ATL1: variants seen among roughly 807,000 people sequenced by gnomAD.
The protein encoded by ATL1 is atlastin GTPase 1, also known as atlastin-1.
In ATL1, 31 loss-of-function variants were observed where a neutral mutation model predicts 75.5. That is an observed-to-expected ratio of 0.41 (90% CI 0.31 to 0.55). The LOEUF (loss-of-function observed/expected upper bound fraction) is 0.55. Ranked by LOEUF, ATL1 falls within the 20% of genes least tolerant of loss-of-function variation. ATL1 has a pLI of 0.27. For synonymous variants in ATL1, 226 were observed against 233.3 expected (o/e 0.97, Z 0.28); for missense variants, 405 against 662.6 (o/e 0.61, Z 4.27).
At chr14:50,614,209 G>A (rs1416834031) in intron 7 of ATL1, among the ~76,000 whole-genome samples, 164 bp from the exon 8 acceptor site, 1 of 152,178 alleles carries the variant, frequency 6.6e-6, no homozygotes, top group Non-Finnish European at 1.5e-5. Context: ...ACGGCTCTGT[G>A]TGGGCAAACC....
upstream of ATL1, among the ~76,000 whole-genome samples, chr14:50,555,526 T>C (rs946309297): frequency 6.6e-6 from 1 of 152,164 alleles, no homozygotes; most frequent in Admixed American, 6.5e-5. Context: ...TCAGGCAATC[T>C]GCCCGCCTTG....
upstream of ATL1, among the ~76,000 whole-genome samples, chr14:50,556,848 A>C (rs1345676488): frequency 1.3e-5 from 2 of 152,216 alleles, no homozygotes; most frequent in Admixed American, 1.3e-4. Flanking sequence ...TGATCAAATA[A>C]TGTTCTATTA....
intron 1 of ATL1, among the ~76,000 whole-genome samples, chr14:50,567,668 T>C (rs1434526439): frequency 2.0e-5 from 3 of 152,254 alleles, no homozygotes; most frequent in Non-Finnish European, 4.4e-5. Context: ...TTCTAATGGA[T>C]GTGATGTGAT....
rs778692077 is a variant in ATL1 at position 50,632,302 on chromosome 14, C to T, written c.1640C>T (p.Ser547Leu). 9.9e-6 allele frequency: 16 copies of T among 1,613,098 alleles called. No individual in the cohort carries two copies. The highest frequency in any genetic ancestry group is 2.2e-5 in the South Asian group (2 of 91,014). Residue 547 changes from serine to leucine, a missense_variant, in exon 14 of 14, where the codon TCG becomes TTG. By Grantham distance (145) the Ser-to-Leu change is moderately radical. Coordinates refer to ENST00000358385, the MANE Select transcript of ATL1 (RefSeq NM_015915.5). ...LYHQAFPTPKSESTEQSEKKK... is the reference protein window; with the variant it reads ...LYHQAFPTPKLESTEQSEKKK... ...CATCAAGCTTTCCCTACACCAAAGT[C>T]GGAATCTACTGAACAATCAGAAAAG... is the stretch of plus-strand genomic sequence containing the variant.
intron 5 of ATL1, among the ~76,000 whole-genome samples, chr14:50,594,447 T>C (rs1354815173): frequency 2.0e-5 from 3 of 152,112 alleles, no homozygotes; most frequent in South Asian, 4.1e-4. Flanking sequence ...AAATTTAATA[T>C]ATTTTTTAGA....
At chr14:50,617,359 A>T (rs1192866260) in intron 8 of ATL1, among the ~76,000 whole-genome samples, 1 of 152,224 alleles carries the variant, frequency 6.6e-6, no homozygotes, top group Non-Finnish European at 1.5e-5. Context: ...TTTTTAAATA[A>T]CAAGGAGTTA....
At chr14:50,585,548 C>G (rs1477689118) in intron 1 of ATL1, among the ~76,000 whole-genome samples, 2 of 152,108 alleles carry the variant, frequency 1.3e-5, no homozygotes, top group Admixed American at 6.5e-5. Flanking sequence ...GGACTGTAAT[C>G]AGACATGAAT....
In ATL1 at chr14:50,614,405, C is replaced by T. The variant is rs771031586; in HGVS notation, c.756C>T (p.Asn252=). 2.5e-5 allele frequency: 40 copies of T among 1,613,914 alleles called. No individual in the cohort carries two copies. The highest frequency in any genetic ancestry group is 3.1e-5 in the Non-Finnish European group (37 of 1,179,950). The stretch of plus-strand genomic sequence containing the variant: ...GGAACCAGCATGAAGAACTACAGAA[C>T]GTCAGAAAACACATCCATTCCTGTT... ...VSGNQHEELQ[N]VRKHIHSCFT... The change falls in exon 8 of 14, where the codon AAC becomes AAT. Residue 252 remains asparagine (N), a synonymous_variant. Transcript: ENST00000358385.
At chr14:50,625,913 A>AAG (rs1304273280) in intron 11 of ATL1, among the ~76,000 whole-genome samples, 1 of 150,802 alleles carries the variant, frequency 6.6e-6, no homozygotes, top group East Asian at 1.9e-4. Context: ...AAAAAAAAAA[A>AAG]GAAAAAAAAA....
chr14:50,610,218 C>G (rs2039352496), intron 6 of ATL1, among the ~76,000 whole-genome samples: 1 of 151,916 alleles, frequency 6.6e-6, no homozygotes, highest in South Asian at 2.1e-4. Context: ...TACTATTTCC[C>G]TAGGGAAAAC....
chr14:50,570,466 C>A (rs1267058916), intron 1 of ATL1, among the ~76,000 whole-genome samples: 1 of 152,108 alleles, frequency 6.6e-6, no homozygotes, highest in Non-Finnish European at 1.5e-5. Flanking sequence ...GCCTCAAAAT[C>A]CTGGCCACAA....
At chr14:50,606,632 G>A (rs1006844264) in intron 6 of ATL1, among the ~76,000 whole-genome samples, 3 of 152,032 alleles carry the variant, frequency 2.0e-5, no homozygotes, top group African/African-American at 7.2e-5. Flanking sequence ...TGCATAAATT[G>A]GTTGCCAGCC....
Position 50,587,948 on chromosome 14 carries a change from C to G in ATL1, c.152C>G (p.Thr51Ser). 6.2e-7 allele frequency: 1 copy of G among 1,614,090 alleles called. No individual in the cohort carries two copies. Residue 51 changes from threonine (T) to serine (S), a missense_variant, in exon 2 of 14, where the codon ACT becomes AGT. Around this residue, in one of 5 missense-constraint regions of ATL1, gnomAD observed 126 missense variants for 172.0 expected, o/e 0.73. Coordinates refer to ENST00000358385, the MANE Select transcript of ATL1 (RefSeq NM_015915.5). The stretch of plus-strand genomic sequence containing the variant: ...GACCATTCCTTTGAGTTAGATGAAA[C>G]TGCATTAAATCGGATCCTTCTCTCG... ...KDDHSFELDE[T>S]ALNRILLSEA...
At chr14:50,594,037 G>A in intron 5 of ATL1, 141 bp downstream of exon 5, 2 of 680,728 alleles carry the variant, frequency 2.9e-6, no homozygotes, top group East Asian at 5.8e-5. Flanking sequence ...TAGCTGCCTG[G>A]TAATTACTGC....
chr14:50,562,847 G>A (rs1267780763), intron 1 of ATL1, among the ~76,000 whole-genome samples: 1 of 152,152 alleles, frequency 6.6e-6, no homozygotes, highest in Non-Finnish European at 1.5e-5. Context: ...TAGAGGTTTT[G>A]GCACAGATAT....
At chr14:50,605,631 A>T (rs1455658805) in intron 6 of ATL1, among the ~76,000 whole-genome samples, 4 of 151,714 alleles carry the variant, frequency 2.6e-5, no homozygotes, top group Non-Finnish European at 2.9e-5. Context: ...GCCTTCTGTA[A>T]TTTTTTTTAT....
rs1308799300 is a variant in ATL1 at position 50,546,712 on chromosome 14, C to G, written c.-140+13345C>G. On this transcript the variant is annotated intron_variant, in intron 1 of 13. Coordinates refer to the ATL1 transcript ENST00000441560. ...CATGAAAGTTATAAGACTGTAAACC[C>G]AGCCAAAACCAGAATGATCTTTGTT... 2.6e-4 allele frequency among the ~76,000 whole-genome samples: 40 copies of G among 152,226 alleles called. 1 individual carries two copies. Among genetic ancestry groups the G allele is most frequent in the Admixed American group, 2.6e-3 (39 of 15,276 alleles).
intron 6 of ATL1, among the ~76,000 whole-genome samples, chr14:50,602,812 T>C (rs1294703180): frequency 1.3e-5 from 2 of 152,122 alleles, no homozygotes; most frequent in Non-Finnish European, 2.9e-5. Context: ...GGCTGCAGCA[T>C]ATCTGTAGCC....
At chr14:50,579,882 A>T (rs2039040202) in intron 1 of ATL1, among the ~76,000 whole-genome samples, 1 of 152,160 alleles carries the variant, frequency 6.6e-6, no homozygotes, top group Non-Finnish European at 1.5e-5. Flanking sequence ...CCACCTACCC[A>T]CTGCTAAGAG....
Sources: allele counts gnomAD v4.1 joint callset (sites outside exome capture counted in the v4.1 genomes callset), GRCh38; gene constraint gnomAD v4.1.1; regional missense constraint gnomAD v4.1.1; transcripts MANE v1.5; gene names NCBI Gene and HGNC (gene_info 2026-07-23, HGNC 2026-07-21).